PCDH9: variants seen among roughly 807,000 people sequenced by gnomAD.
The protein encoded by PCDH9 is protocadherin-9.
Under a neutral mutation model 70.6 loss-of-function variants are expected in PCDH9, and 24 were observed. The ratio of observed to expected loss-of-function variants is 0.34; its 90% CI spans 0.25 to 0.48. The LOEUF (loss-of-function observed/expected upper bound fraction) is 0.48. Among genes scored for constraint, PCDH9 ranks in the 20% least tolerant of loss-of-function variants. The probability of loss-of-function intolerance (pLI) is 0.99; values close to 1 mark genes in which losing one functional copy is unlikely to be tolerated. For synonymous variants in PCDH9, 562 were observed against 558.5 expected (o/e 1.01, Z -0.09); for missense variants, 1,281 against 1,503.6 (o/e 0.85, Z 2.45).
chr13:66,930,687 T>G (rs893914358), intron 2 of PCDH9, among the ~76,000 whole-genome samples: 2 of 152,006 alleles, frequency 1.3e-5, no homozygotes, highest in Non-Finnish European at 2.9e-5. Flanking sequence ...TCTAGAGACA[T>G]ACAAGAATGT....
chr13:67,089,606 T>C (rs1391316344), intron 2 of PCDH9, among the ~76,000 whole-genome samples: 1 of 152,064 alleles, frequency 6.6e-6, no homozygotes, highest in Admixed American at 6.6e-5. Flanking sequence ...TAAAAATTCA[T>C]CATACTTGGA....
At chr13:67,216,825 G>C (rs1333639609) in intron 2 of PCDH9, 1 of 151,338 alleles carries the variant, frequency 6.6e-6, no homozygotes, top group Admixed American at 6.6e-5. Flanking sequence ...CCTAGTGAAT[G>C]ACAAGAAATG....
At chr13:66,872,726 G>A (rs930769289) in intron 3 of PCDH9, among the ~76,000 whole-genome samples, 2 of 151,990 alleles carry the variant, frequency 1.3e-5, no homozygotes, top group Non-Finnish European at 1.5e-5. Flanking sequence ...CAAATTCTGT[G>A]GGATTCAACT....
chr13:66,698,343 G>A (rs2078591492), intron 3 of PCDH9, among the ~76,000 whole-genome samples: 1 of 152,220 alleles, frequency 6.6e-6, no homozygotes, highest in African/African-American at 2.4e-5. Context: ...CCTGTGGTGG[G>A]TGGAAGGGCA....
rs929045262 is a variant in PCDH9 at position 66,412,001 on chromosome 13, T to C, written c.3341-106973A>G. On this transcript the variant is annotated intron_variant, in intron 4 of 4. Transcript: ENST00000377865. ...AGAAACCACAAACAAATTCTAATGA[T>C]CTACATTGGGAACATAAGAACATAT... 2.0e-5 allele frequency among the ~76,000 whole-genome samples: 3 copies of C among 152,182 alleles called. No homozygotes were observed. In the South Asian group the frequency reaches 6.2e-4, roughly 32 times the overall value.
At chr13:67,201,313 G>C (rs1378432890) in intron 2 of PCDH9, 1 of 151,812 alleles carries the variant, frequency 6.6e-6, no homozygotes, top group African/African-American at 2.4e-5. Flanking sequence ...AAAATGGAAC[G>C]TTATACATTT....
intron 2 of PCDH9, among the ~76,000 whole-genome samples, chr13:67,005,743 G>T (rs9592497): frequency 0.17 from 25,138 of 152,158 alleles, 2,195 homozygotes; most frequent in Middle Eastern, 0.23. Context: ...GGTAACAGAT[G>T]ATGATTGCAT....
At chr13:67,199,324 A>G (rs2089152859) in intron 2 of PCDH9, among the ~76,000 whole-genome samples, 1 of 151,812 alleles carries the variant, frequency 6.6e-6, no homozygotes, top group African/African-American at 2.4e-5. Flanking sequence ...TTTTATAAAA[A>G]TATGCTGTTT....
intron 4 of PCDH9, among the ~76,000 whole-genome samples, chr13:66,431,817 A>G (rs1957774594): frequency 6.6e-6 from 1 of 152,036 alleles, no homozygotes; most frequent in African/African-American, 2.4e-5. Flanking sequence ...TTACATTTTA[A>G]TGACGTCCAA....
intron 2 of PCDH9, among the ~76,000 whole-genome samples, chr13:67,056,190 AC>A (rs755208113): frequency 5.3e-5 from 8 of 152,298 alleles, no homozygotes; most frequent in Admixed American, 2.0e-4. Context: ...GTTACAATTT[AC>A]TTATTTAACA....
intron 2 of PCDH9, among the ~76,000 whole-genome samples, chr13:67,000,887 T>C (rs1010806334): frequency 2.6e-5 from 4 of 152,204 alleles, no homozygotes; most frequent in African/African-American, 9.7e-5. Context: ...ATTACTTTCC[T>C]GATCCTTTTA....
intron 4 of PCDH9, among the ~76,000 whole-genome samples, chr13:66,564,044 T>G (rs1387706981): frequency 6.6e-6 from 1 of 152,160 alleles, no homozygotes; most frequent in East Asian, 1.9e-4. Flanking sequence ...TAATCCAAGC[T>G]TAAGGCACAA....
intron 4 of PCDH9, among the ~76,000 whole-genome samples, chr13:66,317,210 T>C (rs1200536): frequency 0.015 from 2,243 of 152,040 alleles, 54 homozygotes; most frequent in African/African-American, 0.051. Flanking sequence ...AATTATTAGA[T>C]ATATTTAGAA....
chr13:66,580,884 G>A (rs2076882418), intron 4 of PCDH9, among the ~76,000 whole-genome samples: 2 of 152,108 alleles, frequency 1.3e-5, no homozygotes, highest in Admixed American at 6.5e-5. Context: ...AACAGGAGAG[G>A]AAGATAGAAG....
chr13:66,483,926 G>A (rs577748114), intron 4 of PCDH9, among the ~76,000 whole-genome samples: 1 of 152,218 alleles, frequency 6.6e-6, no homozygotes, highest in South Asian at 2.1e-4. Context: ...ACAAGGTGTT[G>A]TATGGCAATC....
chr13:66,640,313 C>T (rs1229602846), intron 3 of PCDH9, among the ~76,000 whole-genome samples: 2 of 152,104 alleles, frequency 1.3e-5, no homozygotes, highest in Non-Finnish European at 2.9e-5. Context: ...TGTCTCAGTT[C>T]CCTGTAGCAG....
chr13:66,597,182 ACACTACC>A (rs1482899109), intron 4 of PCDH9, among the ~76,000 whole-genome samples: 1 of 151,754 alleles, frequency 6.6e-6, no homozygotes, highest in Non-Finnish European at 1.5e-5. Context: ...AAAAATATCC[ACACTACC>A]CAAAGTGATC....
intron 2 of PCDH9, among the ~76,000 whole-genome samples, chr13:66,999,084 C>T (rs149325875): frequency 4.5e-4 from 69 of 152,268 alleles, no homozygotes; most frequent in African/African-American, 1.6e-3. Context: ...TCCTTTAGAA[C>T]GTCTTGCTTC....
At chr13:67,225,283 T>C in intron 2 of PCDH9, 122 bp downstream of exon 2, 1 of 1,301,088 alleles carries the variant, frequency 7.7e-7, no homozygotes, top group Non-Finnish European at 1.1e-6. Context: ...GGTCAAGTTT[T>C]TTTTTACCTC....
Sources: gnomAD v4.1 joint callset for allele counts (sites outside exome capture counted in the v4.1 genomes callset) on GRCh38, gnomAD v4.1.1 for gene constraint, MANE v1.5 for transcripts, NCBI Gene and HGNC (gene_info 2026-07-23, HGNC 2026-07-21) for gene names.